Variants in NCOR2 observed in about 807,000 individuals in gnomAD.
NCOR2 encodes the protein CTG repeat protein 26.
A neutral mutation model predicts 262.9 loss-of-function variants in NCOR2; 81 were observed. The observed-to-expected ratio is 0.31, with a 90% confidence interval of 0.26 to 0.37. The LOEUF is 0.37. Ranked by LOEUF, NCOR2 falls within the 10% of genes least tolerant of loss-of-function variation. The pLI is 1.00. For synonymous variants in NCOR2, 1,659 were observed against 1,559.3 expected (o/e 1.06, Z -1.51); for missense variants, 3,385 against 3,621.4 (o/e 0.93, Z 1.68).
chr12:124,377,868 C>T (rs551876983), intron 18 of NCOR2, among the ~76,000 whole-genome samples: 1 of 151,764 alleles, frequency 6.6e-6, no homozygotes, highest in African/African-American at 2.4e-5. Context: ...AAAACTTTTC[C>T]AAAGTAAATT....
intron 1 of NCOR2, chr12:124,514,081 G>T (rs2049571679): frequency 6.6e-6 from 1 of 152,302 alleles, no homozygotes; most frequent in Non-Finnish European, 1.5e-5. Context: ...AGGGGTGCTG[G>T]AGTGTGAATG....
In NCOR2 at chr12:124,567,300, C is replaced by T. The variant is rs2052281428; in HGVS notation, c.-165+8G>A. Reference sequence around the variant, plus strand: ...CGCCCTTCGCGGGGACCCTCGGCCCCAACTCACCTCGCGGAGGTGGCAGCG... The same window carrying T: ...CGCCCTTCGCGGGGACCCTCGGCCCTAACTCACCTCGCGGAGGTGGCAGCG... On this transcript the variant is annotated splice_region_variant and intron_variant, in intron 1 of 32. Transcript: ENST00000458234. 6.6e-6 allele frequency: 1 copy of T among 151,926 alleles called. No homozygotes were observed. Among genetic ancestry groups the T allele is most frequent in the African/African-American group, 2.4e-5 (1 of 41,402 alleles). 9.4% of individuals were successfully genotyped at this position (151,926 alleles called of 1,614,324 possible).
At chr12:124,555,881 C>G (rs1050507206) in intron 1 of NCOR2, 10 of 152,286 alleles carry the variant, frequency 6.6e-5, no homozygotes, top group Non-Finnish European at 1.5e-5. Flanking sequence ...GGAACACCCA[C>G]ACGGCAAACT....
At position 124,447,425 on chromosome 12, in the gene NCOR2, T is replaced by C. The variant is rs75616250; in HGVS notation, c.815+2390A>G. Among the ~76,000 whole-genome samples the C allele has an allele frequency of 2.1e-3, 316 of 152,358 alleles. 1 individual carries two copies. The highest frequency in any genetic ancestry group is 7.2e-3 in the African/African-American group (298 of 41,576). Reference sequence around the variant, plus strand: ...AGATGAAGCAATATCTATTTGCTGGTGTCATCTATATGAGCATCTTGCTCC... The same window carrying C: ...AGATGAAGCAATATCTATTTGCTGGCGTCATCTATATGAGCATCTTGCTCC... On this transcript the variant is annotated intron_variant, in intron 7 of 46. Coordinates refer to ENST00000405201, the Ensembl canonical transcript of NCOR2.
chr12:124,337,224 C>A, intron 37 of NCOR2, 44 bp from the exon 40 acceptor site: 1 of 1,540,108 alleles, frequency 6.5e-7, no homozygotes. Context: ...GGGAGCTGCC[C>A]TCTTCCTCCA....
Position 124,447,498 on chromosome 12 carries a change from C to T in NCOR2, c.815+2317G>A, listed in dbSNP as rs984328100. Among the ~76,000 whole-genome samples, 4 of 152,080 alleles carry T rather than the reference C, an allele frequency of 2.6e-5. No individual in the cohort carries two copies. The East Asian group carries it at 5.8e-4, about 22-fold the overall frequency. ...TGTCTTTATTACCTGAAATCAACCACAGTATTCAGCTTAAAATATCACTCA... is the reference window on the plus strand; with the variant it reads ...TGTCTTTATTACCTGAAATCAACCATAGTATTCAGCTTAAAATATCACTCA... On this transcript the variant is annotated intron_variant, in intron 7 of 46. Transcript: ENST00000405201.
intron 16 of NCOR2, among the ~76,000 whole-genome samples, chr12:124,392,768 T>A (rs2041400789): frequency 1.3e-5 from 2 of 152,204 alleles, no homozygotes; most frequent in Admixed American, 1.3e-4. Flanking sequence ...CCCCTTCCCA[T>A]GCCTTAGACG....
chr12:124,361,710 C>T (rs1487966444), intron 22 of NCOR2, among the ~76,000 whole-genome samples: 1 of 152,166 alleles, frequency 6.6e-6, no homozygotes, highest in Non-Finnish European at 1.5e-5. Context: ...GAAGCTCCTG[C>T]GTGGACTGAT....
chr12:124,441,229 G>T (rs1053916437), intron 7 of NCOR2, among the ~76,000 whole-genome samples: 1 of 152,152 alleles, frequency 6.6e-6, no homozygotes, highest in African/African-American at 2.4e-5. Flanking sequence ...TGCAAGAAGA[G>T]CCCAGAGTGA....
upstream of NCOR2, among the ~76,000 whole-genome samples, chr12:124,498,400 C>T (rs553766180): frequency 1.3e-5 from 2 of 152,206 alleles, no homozygotes; most frequent in African/African-American, 4.8e-5. Flanking sequence ...GGGGCTGGAA[C>T]CTCGGCCCCT....
At chr12:124,376,187 A>C (rs1448720300) in intron 18 of NCOR2, among the ~76,000 whole-genome samples, 2 of 152,168 alleles carry the variant, frequency 1.3e-5, no homozygotes, top group Non-Finnish European at 2.9e-5. Flanking sequence ...CAGCCACGGA[A>C]GACCACCACT....
chr12:124,514,973 C>A (rs1051750285), intron 1 of NCOR2, among the ~76,000 whole-genome samples: 32 of 152,216 alleles, frequency 2.1e-4, no homozygotes, highest in African/African-American at 7.5e-4. Flanking sequence ...AAGCTACGAC[C>A]CATGCCCACG....
Position 124,459,304 on chromosome 12 carries a change from T to A in NCOR2, c.706-2142A>T, listed in dbSNP as rs531723513. Among the ~76,000 whole-genome samples the A allele has an allele frequency of 2.0e-5, 3 of 152,206 alleles. No individual in the cohort carries two copies. The South Asian group carries it at 6.2e-4, about 32-fold the overall frequency. The stretch of plus-strand genomic sequence containing the variant: ...CCTAGAGAGCAAGGAAGACCCCTTC[T>A]TCACCTGCCAAAGCCACAGGGAGCC... On this transcript the variant is annotated intron_variant, in intron 5 of 46. Coordinates refer to ENST00000405201, the Ensembl canonical transcript of NCOR2.
At chr12:124,395,441 A>G (rs916717630) in intron 16 of NCOR2, among the ~76,000 whole-genome samples, 34 of 152,212 alleles carry the variant, frequency 2.2e-4, no homozygotes, top group African/African-American at 8.2e-4. Flanking sequence ...GCTGCTGCTC[A>G]CGACATTATT....
At chr12:124,530,204 T>C (rs1011050977) in intron 1 of NCOR2, 2 of 151,618 alleles carry the variant, frequency 1.3e-5, no homozygotes, top group African/African-American at 4.9e-5. Flanking sequence ...GTATAGTATA[T>C]AATAAAATGA....
chr12:124,417,927 G>A (rs2042996675), intron 13 of NCOR2, among the ~76,000 whole-genome samples: 2 of 152,000 alleles, frequency 1.3e-5, no homozygotes, highest in Non-Finnish European at 2.9e-5. Flanking sequence ...AGGATGCAGT[G>A]GCACGCACCT....
At chr12:124,402,618 G>A in intron 13 of NCOR2, 57 bp from the exon 16 acceptor site, 1 of 1,541,666 alleles carries the variant, frequency 6.5e-7, no homozygotes, top group Non-Finnish European at 8.7e-7. Context: ...ACCGTGAACA[G>A]GTGAATCTCT....
exon 1 of NCOR2, chr12:124,567,462 G>C (rs1239624863): frequency 6.7e-6 from 1 of 149,230 alleles, no homozygotes; most frequent in South Asian, 2.1e-4. Flanking sequence ...CTAGGGCGCC[G>C]GCCCTGGGTC....
chr12:124,401,812 C>G (rs1044865538), intron 14 of NCOR2, among the ~76,000 whole-genome samples: 1 of 152,218 alleles, frequency 6.6e-6, no homozygotes, highest in African/African-American at 2.4e-5. Context: ...TTCTCTGAAG[C>G]CAAATTCCTG....
Sources: gnomAD v4.1 joint callset for allele counts (sites outside exome capture counted in the v4.1 genomes callset) on GRCh38, gnomAD v4.1.1 for gene constraint, MANE v1.5 for transcripts, NCBI Gene and HGNC (gene_info 2026-07-23, HGNC 2026-07-21) for gene names.